ELF2: variants seen among roughly 807,000 people sequenced by gnomAD.
ELF2 encodes E74 like ETS transcription factor 2.
Under a neutral mutation model 54.8 loss-of-function variants are expected in ELF2, and 11 were observed. The observed-to-expected ratio is 0.20, with a 90% CI of 0.13 to 0.33. The LOEUF (loss-of-function observed/expected upper bound fraction) is 0.33. Among genes scored for constraint, ELF2 ranks in the 10% least tolerant of loss-of-function variants. The pLI is 1.00. For synonymous variants in ELF2, 203 were observed against 245.1 expected, an observed-to-expected ratio of 0.83 and a Z score of 1.61; for missense variants, 513 against 703.0, an observed-to-expected ratio of 0.73 and a Z score of 3.06.
chr4:139,167,167 T>C (rs1741811037), intron 1 of ELF2, among the ~76,000 whole-genome samples: 1 of 152,240 alleles, frequency 6.6e-6, no homozygotes, highest in Non-Finnish European at 1.5e-5. Flanking sequence ...CATAAGTTCA[T>C]AAAAGTTTGC....
rs542467276 is a variant in ELF2, at chr4:139,151,429, A to G, written c.-251-11932T>C. 3.9e-5 allele frequency among the ~76,000 whole-genome samples: 6 copies of G among 152,256 alleles called. No individual in the cohort carries two copies. The South Asian group carries it at 1.2e-3, about 32-fold the overall frequency. ...CTGGCAAAAGTTATTTGCCTCTCCC[A>G]CCCCCAAAAAGGTGGGGATTGGGGG... On this transcript the variant is annotated intron_variant, in intron 1 of 9. Coordinates refer to ENST00000686138, the MANE Select transcript of ELF2 (RefSeq NM_001331036.3).
chr4:139,076,033 G>C (rs1046408716), intron 4 of ELF2, among the ~76,000 whole-genome samples: 4 of 152,042 alleles, frequency 2.6e-5, no homozygotes, highest in African/African-American at 9.7e-5. Context: ...ATTGTTTCCA[G>C]GAAACTTTTA....
chr4:139,073,031 T>C (rs1214711586), intron 5 of ELF2, among the ~76,000 whole-genome samples: 3 of 152,046 alleles, frequency 2.0e-5, no homozygotes, highest in Non-Finnish European at 4.4e-5. Flanking sequence ...GTGAAAAAAA[T>C]GTCAAAAGCT....
At chr4:139,078,012 A>G (rs560568852) in intron 4 of ELF2, among the ~76,000 whole-genome samples, 1 of 152,334 alleles carries the variant, frequency 6.6e-6, no homozygotes, top group South Asian at 2.1e-4. Flanking sequence ...TACAGTACCA[A>G]AAATAATATT....
Position 139,059,186 on chromosome 4 carries a change from T to G in ELF2, c.1579A>C (p.Ser527Arg). ...ASGQTPPRVI[S>R]AVIKGPEVKS... ...ACCTCTGGCCCCTTTATGACTGCAC[T>G]GATAACTCGAGGAGGAGTCTGGCCA... Residue 527 changes from serine (S) to arginine (R), a missense_variant, in exon 10 of 10, where the codon AGT becomes CGT. Physicochemically the swap from Ser to Arg is moderately radical, Grantham distance 110 (BLOSUM62 -1). Around this residue, in one of 3 missense-constraint regions of ELF2, gnomAD observed 291 missense variants for 366.1 expected, o/e 0.79. Coordinates refer to ENST00000686138, the MANE Select transcript of ELF2 (RefSeq NM_001331036.3). 6.2e-7 allele frequency: 1 copy of G among 1,613,988 alleles called. No individual in the cohort carries two copies. The highest frequency in any genetic ancestry group is 8.5e-7 in the Non-Finnish European group (1 of 1,179,864).
At chr4:139,080,052 G>C (rs1730878559) in intron 4 of ELF2, among the ~76,000 whole-genome samples, 1 of 152,130 alleles carries the variant, frequency 6.6e-6, no homozygotes, top group African/African-American at 2.4e-5. Context: ...GATGACACAA[G>C]GAATCATTTT....
intron 1 of ELF2, among the ~76,000 whole-genome samples, chr4:139,176,339 G>A (rs1742915086): frequency 6.6e-6 from 1 of 152,210 alleles, no homozygotes; most frequent in African/African-American, 2.4e-5. Flanking sequence ...AGCAGCGCCG[G>A]GAAGGAAAGG....
At chr4:139,107,542 A>G (rs927231480) in intron 4 of ELF2, among the ~76,000 whole-genome samples, 6 of 152,228 alleles carry the variant, frequency 3.9e-5, no homozygotes, top group African/African-American at 1.4e-4. Flanking sequence ...AAATCAAACT[A>G]AAACACAACA....
intron 1 of ELF2, among the ~76,000 whole-genome samples, chr4:139,148,947 T>G (rs1249057327): frequency 6.6e-6 from 1 of 152,242 alleles, no homozygotes. Flanking sequence ...TTTTGGTAGA[T>G]GCGGTACAAA....
In ELF2 at chr4:139,058,723, G is replaced by A. The variant is rs558326795; in HGVS notation, c.*260C>T. 4.9e-6 allele frequency: 2 copies of A among 404,320 alleles called. No individual in the cohort carries two copies. Among genetic ancestry groups the A allele is most frequent in the Non-Finnish European group, 8.8e-6 (2 of 227,802 alleles). 25.0% of individuals were successfully genotyped at this position (404,320 alleles called of 1,614,324 possible). A position where few individuals can be genotyped will look rare whatever the true frequency, so the allele number is the denominator to read the frequency against. On this transcript the variant is annotated 3_prime_UTR_variant, in exon 10 of 10. Coordinates refer to ENST00000686138, the MANE Select transcript of ELF2 (RefSeq NM_001331036.3). ...ACTTGATATCGTAGTGAGCTGCTTG[G>A]TCCCTTTCGATCCTTTTTCTTATTG...
At chr4:139,125,843 A>G (rs1398810651) in intron 3 of ELF2, among the ~76,000 whole-genome samples, 6 of 152,044 alleles carry the variant, frequency 3.9e-5, no homozygotes, top group African/African-American at 1.4e-4. Context: ...AATCTACAGA[A>G]AGCAACACCA....
intron 1 of ELF2, among the ~76,000 whole-genome samples, chr4:139,174,008 G>C (rs1003607780): frequency 6.6e-6 from 1 of 150,706 alleles, no homozygotes; most frequent in Non-Finnish European, 1.5e-5. Flanking sequence ...CGGATCACGA[G>C]GTCAGGAGAT....
At chr4:139,137,296 T>C in intron 3 of ELF2, 1 of 235,842 alleles carries the variant, frequency 4.2e-6, no homozygotes, top group Non-Finnish European at 8.1e-6. Context: ...ATTTAGGTAT[T>C]TGGGCATAGT....
intron 1 of ELF2, among the ~76,000 whole-genome samples, chr4:139,175,307 C>T (rs1742793538): frequency 6.6e-6 from 1 of 152,098 alleles, no homozygotes; most frequent in South Asian, 2.1e-4. Flanking sequence ...GTATTTATGT[C>T]TGAAATGAAA....
chr4:139,125,402 C>T, intron 3 of ELF2, 73 bp from the exon 4 acceptor site: 1 of 1,549,916 alleles, frequency 6.5e-7, no homozygotes, highest in South Asian at 1.2e-5. Flanking sequence ...AATCCTTGAA[C>T]TAATACAGTC....
chr4:139,133,812 T>C (rs1348276009), intron 3 of ELF2, among the ~76,000 whole-genome samples: 3 of 152,202 alleles, frequency 2.0e-5, no homozygotes, highest in Non-Finnish European at 2.9e-5. Context: ...AGTTTCCAAT[T>C]GTATATTGCT....
In ELF2 at chr4:139,137,717, A is replaced by C; in HGVS notation, c.-16T>G. 1 of 1,613,810 alleles carries C rather than the reference A, an allele frequency of 6.2e-7. No homozygotes were observed. The highest frequency in any genetic ancestry group is 8.5e-7 in the Non-Finnish European group (1 of 1,179,960). ...CTGATGTCATTGTTATTCCCTGAGG[A>C]AGCTTCAAACGCTATTAATCAATGA... On this transcript the variant is annotated 5_prime_UTR_variant, in exon 3 of 10. Transcript: ENST00000686138.
At chr4:139,109,198 C>G (rs28568701) in intron 4 of ELF2, among the ~76,000 whole-genome samples, 14,977 of 151,876 alleles carry the variant, frequency 0.099, 1,091 homozygotes, top group African/African-American at 0.21. Context: ...GTTTCTTGGT[C>G]CAACAATTAT....
At chr4:139,092,414 T>TAACAAACATAACATAACATA (rs70940488) in intron 4 of ELF2, among the ~76,000 whole-genome samples, 4,488 of 87,724 alleles carry the variant, frequency 0.051, 409 homozygotes, top group East Asian at 0.082. Flanking sequence ...TAACATAACA[T>TAACAAACATAACATAACATA]ACATAACATA....
Sources: allele counts gnomAD v4.1 joint callset (sites outside exome capture counted in the v4.1 genomes callset), GRCh38; gene constraint gnomAD v4.1.1; regional missense constraint gnomAD v4.1.1; transcripts MANE v1.5; gene names NCBI Gene and HGNC (gene_info 2026-07-23, HGNC 2026-07-21).